The following CSMD2 variants were observed in gnomAD, a reference collection of about 807,000 sequenced individuals.
CSMD2 encodes CUB and Sushi multiple domains 2, also known as CUB and sushi domain-containing protein 2.
CSMD2 carries 130 observed loss-of-function variants against 398.5 expected under a neutral mutation model. That is an observed-to-expected ratio of 0.33 (90% CI 0.28 to 0.38). The LOEUF is 0.38. Among genes scored for constraint, CSMD2 ranks in the 10% least tolerant of loss-of-function variants. The pLI, the probability that CSMD2 is intolerant of heterozygous loss-of-function variation, is 1.00. For missense variants in CSMD2, 3,829 were observed against 4,764.9 expected, an observed-to-expected ratio of 0.80 and a Z score of 5.78; for synonymous variants, 1,828 against 1,908.5, an observed-to-expected ratio of 0.96 and a Z score of 1.10.
At chr1:33,650,492 T>C (rs1004051305) in intron 28 of CSMD2, among the ~76,000 whole-genome samples, 36 of 150,070 alleles carry the variant, frequency 2.4e-4, no homozygotes, top group African/African-American at 8.6e-4. Flanking sequence ...AAAGAATCCG[T>C]GAGGCCCTGA....
chr1:33,938,281 G>A (rs182726820), intron 3 of CSMD2, among the ~76,000 whole-genome samples: 1 of 151,700 alleles, frequency 6.6e-6, no homozygotes, highest in African/African-American at 2.4e-5. Flanking sequence ...CCATGATCCT[G>A]TGCTGCTGGC....
At chr1:33,796,189 A>T (rs1654927060) in intron 10 of CSMD2, among the ~76,000 whole-genome samples, 1 of 152,200 alleles carries the variant, frequency 6.6e-6, no homozygotes. Flanking sequence ...ATAGTCTTTG[A>T]TCATCTTCTC....
chr1:33,823,324 A>C (rs1658382344), intron 7 of CSMD2, among the ~76,000 whole-genome samples: 1 of 152,102 alleles, frequency 6.6e-6, no homozygotes, highest in Non-Finnish European at 1.5e-5. Context: ...CCCAGGAAAC[A>C]AGCAAACTTA....
chr1:33,683,203 T>C (rs1297056982), intron 25 of CSMD2, among the ~76,000 whole-genome samples: 2 of 152,246 alleles, frequency 1.3e-5, no homozygotes, highest in African/African-American at 2.4e-5. Flanking sequence ...TCACTGTCTG[T>C]CTATTTCAGA....
At chr1:33,729,512 A>G (rs934615805) in intron 15 of CSMD2, among the ~76,000 whole-genome samples, 3 of 146,476 alleles carry the variant, frequency 2.0e-5, no homozygotes, top group Admixed American at 6.9e-5. Flanking sequence ...TAAGTTTTAG[A>G]GTACATGTGC....
chr1:34,118,987 A>G (rs1661884130), intron 1 of CSMD2, among the ~76,000 whole-genome samples: 1 of 152,244 alleles, frequency 6.6e-6, no homozygotes, highest in Non-Finnish European at 1.5e-5. Context: ...TCTGAGAAAG[A>G]AAAACAAAGC....
At chr1:34,104,991 G>A (rs929692160) in intron 1 of CSMD2, among the ~76,000 whole-genome samples, 1 of 152,110 alleles carries the variant, frequency 6.6e-6, no homozygotes, top group Non-Finnish European at 1.5e-5. Flanking sequence ...ACGGTCCCAG[G>A]CTCAGTTCAT....
intron 55 of CSMD2, among the ~76,000 whole-genome samples, chr1:33,555,336 T>A (rs145115657): frequency 7.9e-5 from 12 of 152,302 alleles, no homozygotes; most frequent in East Asian, 5.8e-4. Context: ...TTCTTGTGGA[T>A]GAGCAAAGAA....
intron 31 of CSMD2, among the ~76,000 whole-genome samples, chr1:33,634,805 C>G (rs971537482): frequency 3.3e-5 from 5 of 152,138 alleles, no homozygotes; most frequent in African/African-American, 1.2e-4. Flanking sequence ...TCTCCCTCAC[C>G]TGCACTTTCA....
intron 6 of CSMD2, among the ~76,000 whole-genome samples, chr1:33,827,432 C>T (rs1658955865): frequency 6.6e-6 from 1 of 152,180 alleles, no homozygotes; most frequent in African/African-American, 2.4e-5. Context: ...GGCCTTTCCT[C>T]AGGTATCTCT....
intron 5 of CSMD2, among the ~76,000 whole-genome samples, chr1:33,901,347 G>T (rs566677047): frequency 6.3e-4 from 96 of 152,328 alleles, no homozygotes; most frequent in African/African-American, 2.2e-3. Flanking sequence ...GATCTCAGAG[G>T]CTATATTTAT....
At chr1:33,797,235 A>C (rs1655061340) in intron 10 of CSMD2, among the ~76,000 whole-genome samples, 1 of 152,072 alleles carries the variant, frequency 6.6e-6, no homozygotes, top group Non-Finnish European at 1.5e-5. Flanking sequence ...CCTTAATAAA[A>C]CTTGCTGGCT....
At chr1:33,684,857 C>T (rs1311832334) in intron 25 of CSMD2, among the ~76,000 whole-genome samples, 2 of 152,334 alleles carry the variant, frequency 1.3e-5, no homozygotes, top group African/African-American at 4.8e-5. Flanking sequence ...TATTGTGTTT[C>T]GTGCATACTT....
At chr1:34,103,809 T>A (rs113597902) in intron 1 of CSMD2, among the ~76,000 whole-genome samples, 15 of 152,118 alleles carry the variant, frequency 9.9e-5, no homozygotes, top group African/African-American at 3.4e-4. Context: ...ATTCAGAAAA[T>A]ACTCACCAAC....
At chr1:34,008,673 T>C (rs1046827480) in intron 3 of CSMD2, among the ~76,000 whole-genome samples, 2 of 152,214 alleles carry the variant, frequency 1.3e-5, no homozygotes, top group African/African-American at 4.8e-5. Flanking sequence ...AAGTTGGAGC[T>C]TTGTAGGAAT....
At chr1:33,694,801 C>A (rs151295274) in intron 24 of CSMD2, among the ~76,000 whole-genome samples, 1 of 151,982 alleles carries the variant, frequency 6.6e-6, no homozygotes, top group Admixed American at 6.6e-5. Context: ...GGGCTGATTG[C>A]CTGTTCTGTG....
In CSMD2 at chr1:33,622,171, G is replaced by A. The variant is rs750503891; in HGVS notation, c.5823C>T (p.Tyr1941=). 2 of 1,611,552 alleles carry A rather than the reference G, an allele frequency of 1.2e-6. No individual in the cohort carries two copies. The highest frequency in any genetic ancestry group is 2.7e-5 in the African/African-American group (2 of 74,834). ...SVSAAGFHLE[Y]KTVGLSSCPE... The stretch of plus-strand genomic sequence containing the variant: ...GCCAAGACCCTGGATTCTCACTTTT[G>A]TACTCCAAGTGGAAGCCAGCTGCAG... Residue 1941 remains tyrosine (Y), a synonymous_variant, in exon 37 of 71, where the codon TAC becomes TAT. Coordinates refer to ENST00000373381, the MANE Select transcript of CSMD2 (RefSeq NM_001281956.2).
At chr1:33,592,880 C>T (rs1040025323) in intron 44 of CSMD2, among the ~76,000 whole-genome samples, 5 of 150,568 alleles carry the variant, frequency 3.3e-5, no homozygotes, top group South Asian at 2.1e-4. Flanking sequence ...ACCTGGGAGG[C>T]GGAGCTTGCA....
chr1:33,526,945 C>T (rs182478288), intron 65 of CSMD2, among the ~76,000 whole-genome samples: 2 of 152,334 alleles, frequency 1.3e-5, no homozygotes, highest in East Asian at 3.9e-4. Context: ...TAGTAATCAA[C>T]AGTTCCAGAG....
Sources: gnomAD v4.1 joint callset for allele counts (sites outside exome capture counted in the v4.1 genomes callset) on GRCh38, gnomAD v4.1.1 for gene constraint, MANE v1.5 for transcripts, NCBI Gene and HGNC (gene_info 2026-07-23, HGNC 2026-07-21) for gene names.